TJP2: variants seen among roughly 807,000 people sequenced by gnomAD.
The protein encoded by TJP2 is tight junction protein 2.
Under a neutral mutation model 133.1 loss-of-function variants are expected in TJP2, and 91 were observed. That is an observed-to-expected ratio of 0.68 (90% CI 0.58 to 0.81). The LOEUF (loss-of-function observed/expected upper bound fraction) is 0.81, where lower values mean the gene tolerates loss of function less well. Among genes scored for constraint, TJP2 ranks in the 40% least tolerant of loss-of-function variants. The pLI, the probability that TJP2 is intolerant of heterozygous loss-of-function variation, is 0.00. For missense variants in TJP2, 1,541 were observed against 1,565.6 expected, an observed-to-expected ratio of 0.98 and a Z score of 0.26; for synonymous variants, 592 against 583.4, an observed-to-expected ratio of 1.01 and a Z score of -0.21.
In TJP2 at chr9:69,174,423, T is replaced by C. The variant is rs1371305057; in HGVS notation, c.51T>C (p.Gly17=). The C allele has an allele frequency of 4.5e-6, 7 of 1,551,434 alleles. No homozygotes were observed. The highest frequency in any genetic ancestry group is 2.0e-5 in the Admixed American group (1 of 51,020). Residue 17 remains glycine (G), a synonymous_variant, in exon 1 of 23, where the codon GGT becomes GGC. Transcript: ENST00000377245. ...RGFPPRRELS[G]WLRAPGMEEL... is the part of the protein sequence containing the mutation. ...TTCCACCCCGGCGGGAGCTGTCAGG[T>C]TGGCTCCGCGTAAGTGCCTCCTTGT...
chr9:69,192,978 G>GT (rs1235999717), intron 1 of TJP2, among the ~76,000 whole-genome samples: 3 of 143,832 alleles, frequency 2.1e-5, no homozygotes, highest in Non-Finnish European at 4.5e-5. Context: ...CTAGTGTCCA[G>GT]TGGCACAGTC....
At chr9:69,135,761 A>T (rs1822706068) in intron 1 of TJP2, among the ~76,000 whole-genome samples, 1 of 152,062 alleles carries the variant, frequency 6.6e-6, no homozygotes, top group Non-Finnish European at 1.5e-5. Context: ...TCGCGCCATC[A>T]CGCCCAGCTA....
At chr9:69,223,893 C>A (rs1261140759) in intron 5 of TJP2, among the ~76,000 whole-genome samples, 1 of 152,170 alleles carries the variant, frequency 6.6e-6, no homozygotes, top group African/African-American at 2.4e-5. Flanking sequence ...TGACTTCATA[C>A]CTTTCCTGAA....
Position 69,226,165 on chromosome 9 carries a change from A to C in TJP2, c.1200A>C (p.Ser400=). The C allele has an allele frequency of 6.2e-7, 1 of 1,614,156 alleles. No individual in the cohort carries two copies. Among genetic ancestry groups the C allele is most frequent in the Non-Finnish European group, 8.5e-7 (1 of 1,180,038 alleles). Residue 400 remains serine (S), a synonymous_variant, in exon 7 of 23, where the codon TCA becomes TCC. Coordinates refer to ENST00000377245, the MANE Select transcript of TJP2 (RefSeq NM_004817.4). ...TCCCGTCATTAAATGACAGTGACTC[A>C]GAAATAGAAGGTAAAGGAAGAGGAG... ...INIPSLNDSD[S]EIEDISEIES... is the part of the protein sequence containing the mutation.
At chr9:69,227,697 C>T (rs1829453212) in intron 7 of TJP2, 68 bp from the exon 8 acceptor site, 1 of 1,103,970 alleles carries the variant, frequency 9.1e-7, no homozygotes, top group Admixed American at 2.0e-5. Context: ...GAGAATAGTG[C>T]AATTTCTCTG....
upstream of TJP2, among the ~76,000 whole-genome samples, chr9:69,173,027 C>T (rs1824774767): frequency 6.6e-6 from 1 of 152,200 alleles, no homozygotes. Flanking sequence ...CTTAGTTACT[C>T]CAAAGGAGTC....
chr9:69,209,668 C>A (rs1446058558), intron 1 of TJP2, among the ~76,000 whole-genome samples: 4 of 150,820 alleles, frequency 2.7e-5, no homozygotes, highest in Non-Finnish European at 5.9e-5. Context: ...GCAGGAGAAT[C>A]GCTAGAACCC....
chr9:69,234,727 A>G (rs577665135), intron 12 of TJP2, among the ~76,000 whole-genome samples, 180 bp downstream of exon 12: 1 of 152,144 alleles, frequency 6.6e-6, no homozygotes, highest in Non-Finnish European at 1.5e-5. Flanking sequence ...AACTTTCCAT[A>G]AAAATGTTTT....
At chr9:69,162,861 G>T (rs1463390733) in intron 2 of TJP2, among the ~76,000 whole-genome samples, 1 of 152,126 alleles carries the variant, frequency 6.6e-6, no homozygotes, top group Non-Finnish European at 1.5e-5. Context: ...CATAGTTTGA[G>T]TGAATAAACA....
In TJP2 at chr9:69,212,609, C is replaced by A; in HGVS notation, c.114+8C>A. The A allele has an allele frequency of 6.2e-7, 1 of 1,600,778 alleles. No homozygotes were observed. The highest frequency in any genetic ancestry group is 8.6e-7 in the Non-Finnish European group (1 of 1,168,046). On this transcript the variant is annotated splice_region_variant and intron_variant, in intron 2 of 22. Transcript: ENST00000377245. ...ACTGTGACCCTACAAAAGGTGAGTTCTGCACATTTCATATATTCTACAGTC... is the reference window on the plus strand; with the variant it reads ...ACTGTGACCCTACAAAAGGTGAGTTATGCACATTTCATATATTCTACAGTC...
rs763256943 is a variant in TJP2, at chr9:69,230,093, A to C, written c.1532A>C (p.Lys511Thr). ...GGAACCTATTGCAGCCCTAATACCA[A>C]AATGGTAAGGTTCAAGAAGGGAGAC... ...EDEAIYGPNT[K>T]MVRFKKGDSV... Residue 511 changes from lysine (K) to threonine (T), a missense_variant, in exon 11 of 23, where the codon AAA becomes ACA. By Grantham distance (78) the Lys-to-Thr change is moderately conservative. Transcript: ENST00000377245. The C allele has an allele frequency of 1.1e-5, 17 of 1,614,132 alleles. No homozygotes were observed. In the South Asian group the frequency reaches 1.9e-4, roughly 18 times the overall value.
At chr9:69,222,534 G>A (rs1457290824) in intron 5 of TJP2, among the ~76,000 whole-genome samples, 2 of 152,122 alleles carry the variant, frequency 1.3e-5, no homozygotes, top group Non-Finnish European at 1.5e-5. Context: ...ACACCAATTC[G>A]TTCGTTTAAT....
At chr9:69,158,958 CA>C (rs1823912869) in intron 2 of TJP2, among the ~76,000 whole-genome samples, 2 of 151,228 alleles carry the variant, frequency 1.3e-5, no homozygotes, top group Non-Finnish European at 1.5e-5. Context: ...TGAGATTAGG[CA>C]ATCCCCTTGG....
chr9:69,169,847 T>A (rs1380959811), upstream of TJP2, among the ~76,000 whole-genome samples: 1 of 152,168 alleles, frequency 6.6e-6, no homozygotes, highest in Non-Finnish European at 1.5e-5. Flanking sequence ...GACCAACTTA[T>A]TTCTTATTTT....
intron 1 of TJP2, among the ~76,000 whole-genome samples, chr9:69,179,777 G>C (rs1825365530): frequency 6.6e-6 from 1 of 152,198 alleles, no homozygotes; most frequent in Non-Finnish European, 1.5e-5. Context: ...GGGATTAGAG[G>C]TGTGAGCCAC....
chr9:69,148,373 CTTT>C (rs780212434), intron 1 of TJP2, among the ~76,000 whole-genome samples: 5 of 130,904 alleles, frequency 3.8e-5, no homozygotes, highest in Admixed American at 1.6e-4. Flanking sequence ...CTCTGTAATA[CTTT>C]TTTTTTTTTT....
At chr9:69,138,568 A>G (rs1352301506) in intron 1 of TJP2, among the ~76,000 whole-genome samples, 1 of 151,908 alleles carries the variant, frequency 6.6e-6, no homozygotes, top group Non-Finnish European at 1.5e-5. Context: ...GGAGTTCGAG[A>G]CCAGCCTAAC....
chr9:69,156,529 T>A (rs995363251), intron 2 of TJP2, among the ~76,000 whole-genome samples: 10 of 137,396 alleles, frequency 7.3e-5, no homozygotes, highest in East Asian at 2.1e-4. Context: ...TAAGATTTTT[T>A]TTTTTTTTTT....
chr9:69,226,097 C>T lies in TJP2; in HGVS notation c.1132C>T (p.Gln378Ter). The T allele has an allele frequency of 1.9e-6, 3 of 1,614,122 alleles. No homozygotes were observed. Among genetic ancestry groups the T allele is most frequent in the Non-Finnish European group, 2.5e-6 (3 of 1,180,006 alleles). ...GATAGAAAAGTCAAGAGGAAAACTA[C>T]AGCTAGTGGTGTTGAGAGACAGCCA... ...KLIEKSRGKLQLVVLRDSQQT... is the reference protein window; with the variant it reads ...KLIEKSRGKL The change falls in exon 7 of 23, where the codon CAG becomes TAG. Residue 378 changes from glutamine to a stop codon, truncating the protein, a stop_gained. Coordinates refer to ENST00000377245, the MANE Select transcript of TJP2 (RefSeq NM_004817.4). LOFTEE classifies it high-confidence loss of function.
Sources: gnomAD v4.1 joint callset for allele counts (sites outside exome capture counted in the v4.1 genomes callset) on GRCh38, gnomAD v4.1.1 for gene constraint, MANE v1.5 for transcripts, NCBI Gene and HGNC (gene_info 2026-07-23, HGNC 2026-07-21) for gene names.